PRH2: variants seen among roughly 807,000 people sequenced by gnomAD.
PRH2 encodes proline rich protein HaeIII subfamily 2.
PRH2 carries 19 observed loss-of-function variants against 22.6 expected under a neutral mutation model. That is an observed-to-expected ratio of 0.84 (90% CI 0.59 to 1.23). The LOEUF is 1.23. Among genes scored for constraint, PRH2 ranks in the 50% most tolerant of loss-of-function variants. The probability of loss-of-function intolerance (pLI) is 0.00; values close to 1 mark genes in which losing one functional copy is unlikely to be tolerated. For synonymous variants in PRH2, 45 were observed against 72.0 expected, an observed-to-expected ratio of 0.63 and a Z score of 1.90; for missense variants, 109 against 203.0, an observed-to-expected ratio of 0.54 and a Z score of 2.81.
chr12:10,931,814 G>A (rs1378946145), intron 3 of PRH2, among the ~76,000 whole-genome samples: 1 of 151,444 alleles, frequency 6.6e-6, no homozygotes, highest in Non-Finnish European at 1.5e-5. Flanking sequence ...AGTGTTTATT[G>A]GTTAGTTTTT....
chr12:10,934,203 A>T lies in PRH2; in HGVS notation c.*1996A>T, dbSNP rs998692221. 6.6e-6 allele frequency among the ~76,000 whole-genome samples: 1 copy of T among 152,118 alleles called. No homozygotes were observed. The highest frequency in any genetic ancestry group is 2.4e-5 in the African/African-American group (1 of 41,442). ...TATTTCCACTTCTGATTTTAAGAAC[A>T]GCTTCTTTCCCAGGGATGGGTTCCC... On this transcript the variant is annotated 3_prime_UTR_variant, in exon 4 of 4. Transcript: ENST00000396400.
Position 10,930,294 on chromosome 12 carries a change from G to C in PRH2, c.90G>C (p.Leu30Phe), listed in dbSNP as rs1130412. The C allele has an allele frequency of 6.2e-7, 1 of 1,612,516 alleles. No homozygotes were observed. ...ATGTCAGCCAAGAAGACGTTCCCTT[G>C]GTAATATCAGGTAAATCCCAATAAA... ...DEDVSQEDVP[L>F]VISDGGDSEQ... Residue 30 changes from leucine to phenylalanine, a missense_variant, in exon 2 of 4, where the codon TTG (leucine) becomes TTC (phenylalanine). Coordinates refer to ENST00000396400, the MANE Select transcript of PRH2 (RefSeq NM_001110213.1).
chr12:10,930,377 T>C, intron 2 of PRH2, 73 bp downstream of exon 2: 1 of 1,555,698 alleles, frequency 6.4e-7, no homozygotes. Context: ...CTCCAGTGTC[T>C]TCTTATCATC....
In PRH2 at chr12:10,930,286, G is replaced by T. The variant is rs776898585; in HGVS notation, c.82G>T (p.Val28Phe). The T allele has an allele frequency of 6.2e-7, 1 of 1,613,216 alleles. No individual in the cohort carries two copies. The change falls in exon 2 of 4, where the codon GTT (valine) becomes TTT (phenylalanine). Residue 28 changes from valine (V) to phenylalanine (F), a missense_variant. By Grantham distance (50) the Val-to-Phe change is conservative. Around this residue, in one of 4 missense-constraint regions of PRH2, gnomAD observed 54 missense variants for 60.5 expected, o/e 0.89. Transcript: ENST00000396400. ...TTTTCTAGATGTCAGCCAAGAAGAC[G>T]TTCCCTTGGTAATATCAGGTAAATC... ...DLDEDVSQEDVPLVISDGGDS... is the reference protein window; with the variant it reads ...DLDEDVSQEDFPLVISDGGDS...
intron 3 of PRH2, among the ~76,000 whole-genome samples, chr12:10,931,769 T>C (rs1477237548): frequency 6.6e-6 from 1 of 152,198 alleles, no homozygotes; most frequent in African/African-American, 2.4e-5. Flanking sequence ...AAAATTTATT[T>C]CTTAGCTTTC....
chr12:10,930,196 T>C (rs1241711591), intron 1 of PRH2, 73 bp from the exon 2 acceptor site: 2 of 1,534,914 alleles, frequency 1.3e-6, no homozygotes, highest in African/African-American at 1.4e-5. Context: ...AGGTCCTTTA[T>C]CCTCGTAGAA....
chr12:10,931,568 C>T (rs1029842939), intron 3 of PRH2, among the ~76,000 whole-genome samples: 2 of 152,140 alleles, frequency 1.3e-5, no homozygotes, highest in Non-Finnish European at 2.9e-5. Flanking sequence ...CTAACAAAAA[C>T]TAATCTCACT....
intron 1 of PRH2, among the ~76,000 whole-genome samples, chr12:10,929,620 G>T (rs1349781444): frequency 2.0e-5 from 3 of 152,182 alleles, no homozygotes. Flanking sequence ...TATGGAGAAT[G>T]CAAGACAGAT....
In PRH2 at chr12:10,934,090, A is replaced by C. The variant is rs1950251618; in HGVS notation, c.*1883A>C. On this transcript the variant is annotated 3_prime_UTR_variant, in exon 4 of 4. Coordinates refer to ENST00000396400, the MANE Select transcript of PRH2 (RefSeq NM_001110213.1). ...ACCAGCTAGTAAATATAATAAGAAA[A>C]TGATTATTCACAAAGGAACCAAAAG... 6.6e-6 allele frequency among the ~76,000 whole-genome samples: 1 copy of C among 152,176 alleles called. No individual in the cohort carries two copies. The highest frequency in any genetic ancestry group is 6.5e-5 in the Admixed American group (1 of 15,282).
rs946579408 is a variant in PRH2, at chr12:10,934,264, A to G, written c.*2057A>G. On this transcript the variant is annotated 3_prime_UTR_variant, in exon 4 of 4. Transcript: ENST00000396400. ...TATTCTCTTCACCACAAGAGTTTGC[A>G]GCTCTGGCTTTCTTTCTGCTCATCT... Among the ~76,000 whole-genome samples, 3 of 152,132 alleles carry G rather than the reference A, an allele frequency of 2.0e-5. No homozygotes were observed. The highest frequency in any genetic ancestry group is 7.2e-5 in the African/African-American group (3 of 41,436).
chr12:10,930,320 T>A lies in PRH2; in HGVS notation c.100+16T>A, dbSNP rs1591690041. On this transcript the variant is annotated intron_variant, in intron 2 of 3. Transcript: ENST00000396400. Reference sequence around the variant, plus strand: ...GTAATATCAGGTAAATCCCAATAAATTCTCAGTAAACTCTGTCTCCATTTT... The same window carrying A: ...GTAATATCAGGTAAATCCCAATAAAATCTCAGTAAACTCTGTCTCCATTTT... 2 of 1,608,084 alleles carry A rather than the reference T, an allele frequency of 1.2e-6. No individual in the cohort carries two copies. Among genetic ancestry groups the A allele is most frequent in the East Asian group, 4.5e-5 (2 of 44,854 alleles).
chr12:10,929,714 C>A (rs757687416), intron 1 of PRH2, among the ~76,000 whole-genome samples: 11 of 152,072 alleles, frequency 7.2e-5, no homozygotes, highest in Non-Finnish European at 1.6e-4. Flanking sequence ...GGATGAGTAT[C>A]CATGAAGGAG....
chr12:10,932,368 G>T lies in PRH2; in HGVS notation c.*161G>T. On this transcript the variant is annotated 3_prime_UTR_variant, in exon 4 of 4. Transcript: ENST00000396400. ...CTGAGTGTTTGGGACTCTGGAATCT[G>T]AGACCCATGTTCACATTGTAAGAAC... 2 of 272,720 alleles carry T rather than the reference G, an allele frequency of 7.3e-6. No individual in the cohort carries two copies. The highest frequency in any genetic ancestry group is 6.7e-5 in the South Asian group (2 of 29,776). The allele number at this position is 272,720 out of a possible 1,614,324, so 16.9% of individuals were successfully genotyped here.
Position 10,934,251 on chromosome 12 carries a change from C to G in PRH2, c.*2044C>G, listed in dbSNP as rs1950254384. On this transcript the variant is annotated 3_prime_UTR_variant, in exon 4 of 4. Transcript: ENST00000396400. ...CCCCCTAGTGATGTATTCTCTTCACCACAAGAGTTTGCAGCTCTGGCTTTC... is the reference window on the plus strand; with the variant it reads ...CCCCCTAGTGATGTATTCTCTTCACGACAAGAGTTTGCAGCTCTGGCTTTC... Among the ~76,000 whole-genome samples, 2 of 152,204 alleles carry G rather than the reference C, an allele frequency of 1.3e-5. No homozygotes were observed. The highest frequency in any genetic ancestry group is 4.1e-4 in the South Asian group (2 of 4,822).
chr12:10,933,457 T>A lies in PRH2; in HGVS notation c.*1250T>A, dbSNP rs1950242342. On this transcript the variant is annotated 3_prime_UTR_variant, in exon 4 of 4. Coordinates refer to ENST00000396400, the MANE Select transcript of PRH2 (RefSeq NM_001110213.1). ...AAAAAAAATTTTTTGATATGACTAC[T>A]CTAACAGTAATAACTATAAATCTCA... is the stretch of plus-strand genomic sequence containing the variant. Among the ~76,000 whole-genome samples the A allele has an allele frequency of 6.6e-6, 1 of 151,228 alleles. No homozygotes were observed.
chr12:10,931,262 A>C, intron 3 of PRH2, 182 bp downstream of exon 3: 1 of 1,299,192 alleles, frequency 7.7e-7, no homozygotes, highest in Non-Finnish European at 1.0e-6. Context: ...AATCTCTTGA[A>C]GGCAATTCCA....
At position 10,934,557 on chromosome 12, in the gene PRH2, T is replaced by A. The variant is rs571755953; in HGVS notation, c.*2350T>A. On this transcript the variant is annotated 3_prime_UTR_variant, in exon 4 of 4. Transcript: ENST00000396400. ...TCTAAATGCAACGCTGACAATTTCT[T>A]CATCTATCACATGTACCTGTTATAC... 6.6e-6 allele frequency among the ~76,000 whole-genome samples: 1 copy of A among 152,256 alleles called. No individual in the cohort carries two copies. The highest frequency in any genetic ancestry group is 6.5e-5 in the Admixed American group (1 of 15,272).
rs527774006 is a variant in PRH2 at position 10,929,240 on chromosome 12, T to C, written c.-34T>C. 5.6e-5 allele frequency: 91 copies of C among 1,614,016 alleles called. No homozygotes were observed. Among genetic ancestry groups the C allele is most frequent in the Middle Eastern group, 3.3e-4 (2 of 6,060 alleles). On this transcript the variant is annotated 5_prime_UTR_variant, in exon 1 of 4. Coordinates refer to ENST00000396400, the MANE Select transcript of PRH2 (RefSeq NM_001110213.1). ...GGGAGCTGACACGTTTCTCCCAGCA[T>C]AAAGTTGGGAGTGACACCAGAGCCT...
intron 1 of PRH2, 56 bp from the exon 2 acceptor site, chr12:10,930,213 G>A (rs1591689816): frequency 6.4e-7 from 1 of 1,574,322 alleles, no homozygotes; most frequent in East Asian, 2.2e-5. Flanking sequence ...AGAACACTAT[G>A]AGCTCTGAAT....
Sources: gnomAD v4.1 joint callset for allele counts (sites outside exome capture counted in the v4.1 genomes callset) on GRCh38, gnomAD v4.1.1 for gene constraint, gnomAD v4.1.1 regional missense constraint, MANE v1.5 for transcripts, NCBI Gene and HGNC (gene_info 2026-07-23, HGNC 2026-07-21) for gene names.